The following LIMK2 variants were observed in gnomAD, a reference collection of about 807,000 sequenced individuals.
The protein encoded by LIMK2 is LIM domain kinase 2.
Under a neutral mutation model 75.7 loss-of-function variants are expected in LIMK2, and 35 were observed. That is an observed-to-expected ratio of 0.46 (90% CI 0.35 to 0.61). The LOEUF (loss-of-function observed/expected upper bound fraction) is 0.61. Ranked by LOEUF, LIMK2 falls within the 20% of genes least tolerant of loss-of-function variation. LIMK2 has a pLI of 0.00. For missense variants in LIMK2, 623 were observed against 831.0 expected (o/e 0.75, Z 3.08); for synonymous variants, 301 against 319.2 (o/e 0.94, Z 0.61).
intron 14 of LIMK2, among the ~76,000 whole-genome samples, chr22:31,274,276 A>G (rs1326361524): frequency 6.6e-6 from 1 of 152,222 alleles, no homozygotes; most frequent in Non-Finnish European, 1.5e-5. Flanking sequence ...GAGTTTAGTC[A>G]GGTGACAGCA....
intron 2 of LIMK2, among the ~76,000 whole-genome samples, chr22:31,243,284 G>A (rs902863238): frequency 6.6e-6 from 1 of 152,206 alleles, no homozygotes; most frequent in African/African-American, 2.4e-5. Context: ...GAAGAGGGGA[G>A]GAGTGGGGCA....
rs533418331 is a variant in LIMK2, at chr22:31,241,755, G to A, written c.116+15936G>A. The stretch of plus-strand genomic sequence containing the variant: ...CTATGATTCAGGACCCCCATGATGA[G>A]CAACTATAGCACTAGAACAGTGATA... On this transcript the variant is annotated intron_variant, in intron 2 of 15. Coordinates refer to ENST00000331728, the MANE Select transcript of LIMK2 (RefSeq NM_005569.4). 3.3e-5 allele frequency among the ~76,000 whole-genome samples: 5 copies of A among 152,276 alleles called. No individual in the cohort carries two copies. In the South Asian group the frequency reaches 8.3e-4, roughly 25 times the overall value.
chr22:31,239,169 G>A (rs963788873), intron 2 of LIMK2, among the ~76,000 whole-genome samples: 2 of 152,256 alleles, frequency 1.3e-5, no homozygotes, highest in Non-Finnish European at 2.9e-5. Flanking sequence ...ACGGCCAACT[G>A]TAGACTTTAG....
chr22:31,238,019 G>C (rs1023744924), intron 2 of LIMK2, among the ~76,000 whole-genome samples: 5 of 150,984 alleles, frequency 3.3e-5, no homozygotes, highest in African/African-American at 4.9e-5. Context: ...GGAGGCCGAG[G>C]CAGGAGAATT....
chr22:31,226,516 A>T (rs1473520690), intron 2 of LIMK2, among the ~76,000 whole-genome samples: 1 of 152,246 alleles, frequency 6.6e-6, no homozygotes, highest in Non-Finnish European at 1.5e-5. Flanking sequence ...AGTTGTTTTT[A>T]GTGTGGTTGG....
At chr22:31,270,961 C>T (rs1410761943) in intron 11 of LIMK2, among the ~76,000 whole-genome samples, 175 bp from the exon 12 acceptor site, 1 of 152,156 alleles carries the variant, frequency 6.6e-6, no homozygotes, top group Non-Finnish European at 1.5e-5. Context: ...TCCAGGCTTC[C>T]TGTTGGTATT....
At chr22:31,277,279 C>G in intron 15 of LIMK2, 1 of 1,492,278 alleles carries the variant, frequency 6.7e-7, no homozygotes, top group Non-Finnish European at 8.9e-7. Flanking sequence ...GCCCAGGGGT[C>G]TCTTCCCCTG....
intron 2 of LIMK2, among the ~76,000 whole-genome samples, chr22:31,243,613 G>C (rs185847611): frequency 6.6e-6 from 1 of 152,164 alleles, no homozygotes; most frequent in Non-Finnish European, 1.5e-5. Flanking sequence ...GTTCAGCTCC[G>C]TGCCAGGTTT....
intron 2 of LIMK2, among the ~76,000 whole-genome samples, chr22:31,245,161 A>G (rs1048634817): frequency 6.6e-6 from 1 of 152,168 alleles, no homozygotes; most frequent in Non-Finnish European, 1.5e-5. Flanking sequence ...ATAGATAGAT[A>G]TGGCTGAGCT....
chr22:31,228,217 G>C (rs2048496382), intron 2 of LIMK2, among the ~76,000 whole-genome samples: 1 of 152,012 alleles, frequency 6.6e-6, no homozygotes, highest in Non-Finnish European at 1.5e-5. Context: ...AGGAATTCGA[G>C]ACCAGCCTGA....
chr22:31,235,234 T>C (rs1240937029), intron 2 of LIMK2, among the ~76,000 whole-genome samples: 4 of 152,180 alleles, frequency 2.6e-5, no homozygotes, highest in African/African-American at 9.7e-5. Context: ...AGAGATATGA[T>C]GTAAGTCAGG....
At position 31,278,806 on chromosome 22, in the gene LIMK2, T is replaced by TG. The variant is rs2049057966; in HGVS notation, c.*368dup. ...ACTAATCAGCGTGACCTGGACCTGC[T>TG]GGGCAGGATCCCAGGGTGAACCTGC... is the stretch of plus-strand genomic sequence containing the variant. On this transcript the variant is annotated 3_prime_UTR_variant, in exon 16 of 16. Transcript: ENST00000331728. 1 of 165,044 alleles carries TG rather than the reference T, an allele frequency of 6.1e-6. No homozygotes were observed. 10.2% of individuals were successfully genotyped at this position (165,044 alleles called of 1,614,324 possible).
chr22:31,212,430 G>A lies in LIMK2; in HGVS notation c.16+6G>A. 3.0e-6 allele frequency: 4 copies of A among 1,334,114 alleles called. No homozygotes were observed. Among genetic ancestry groups the A allele is most frequent in the Non-Finnish European group, 3.9e-6 (4 of 1,032,566 alleles). 82.6% of individuals were successfully genotyped at this position (1,334,114 alleles called of 1,614,324 possible). On this transcript the variant is annotated splice_donor_region_variant and intron_variant, in intron 1 of 15. Transcript: ENST00000331728. The stretch of plus-strand genomic sequence containing the variant: ...GACCATGTCCGCGCTGGCGGGTAAG[G>A]AAGGGCTGCTCCGCCCTGTCCCGCT...
intron 1 of LIMK2, among the ~76,000 whole-genome samples, chr22:31,213,964 C>T (rs939870485): frequency 2.0e-5 from 3 of 151,932 alleles, no homozygotes; most frequent in African/African-American, 7.3e-5. Flanking sequence ...AACAGGGGCC[C>T]GCCACCACGC....
In LIMK2 at chr22:31,266,038, G is replaced by T; in HGVS notation, c.947G>T (p.Arg316Leu). ...GACATCAGCCGCTCAGAATCCCTTCGTTGTTCCAGCAGCTATTCACAGCAG... is the reference window on the plus strand; with the variant it reads ...GACATCAGCCGCTCAGAATCCCTTCTTTGTTCCAGCAGCTATTCACAGCAG... ...SRDISRSESL[R>L]CSSSYSQQIF... Residue 316 changes from arginine to leucine, a missense_variant, in exon 8 of 16, where the codon CGT becomes CTT. This residue lies in a region of LIMK2 where 514 missense variants were observed against 661.3 expected (regional missense o/e 0.78). Coordinates refer to ENST00000331728, the MANE Select transcript of LIMK2 (RefSeq NM_005569.4). 6.2e-7 allele frequency: 1 copy of T among 1,614,148 alleles called. No individual in the cohort carries two copies. The highest frequency in any genetic ancestry group is 8.5e-7 in the Non-Finnish European group (1 of 1,180,020).
intron 12 of LIMK2, 126 bp from the exon 13 acceptor site, chr22:31,272,404 C>G: frequency 1.1e-6 from 1 of 887,372 alleles, no homozygotes; most frequent in South Asian, 1.9e-5. Context: ...GAGCTTTCTG[C>G]TCTGATTCTC....
chr22:31,212,560 G>A (rs2048356073), intron 1 of LIMK2, 136 bp downstream of exon 1: 2 of 848,686 alleles, frequency 2.4e-6, no homozygotes, highest in Non-Finnish European at 3.2e-6. Flanking sequence ...CAGAAAAGCT[G>A]GGAGGCGGGG....
chr22:31,233,067 C>T (rs2048542619), intron 2 of LIMK2, among the ~76,000 whole-genome samples: 1 of 152,182 alleles, frequency 6.6e-6, no homozygotes, highest in Admixed American at 6.5e-5. Flanking sequence ...ACTCTTCAGG[C>T]TTCATCTTAT....
intron 15 of LIMK2, chr22:31,276,678 C>A: frequency 9.2e-7 from 1 of 1,090,710 alleles, no homozygotes; most frequent in South Asian, 4.1e-5. Context: ...GCACGTGGCC[C>A]CGGAGGCCGC....
Sources: gnomAD v4.1 joint callset for allele counts (sites outside exome capture counted in the v4.1 genomes callset) on GRCh38, gnomAD v4.1.1 for gene constraint, gnomAD v4.1.1 regional missense constraint, MANE v1.5 for transcripts, NCBI Gene and HGNC (gene_info 2026-07-23, HGNC 2026-07-21) for gene names.